SUZ12: variants seen among roughly 807,000 people sequenced by gnomAD.
SUZ12 encodes SUZ12 polycomb repressive complex 2 subunit.
A neutral mutation model predicts 87.3 loss-of-function variants in SUZ12; 17 were observed. The observed-to-expected ratio is 0.19, with a 90% CI of 0.13 to 0.29. SUZ12 has a LOEUF of 0.29. Ranked by LOEUF, SUZ12 falls within the 10% of genes least tolerant of loss-of-function variation. SUZ12 has a pLI of 1.00. For synonymous variants in SUZ12, 253 were observed against 312.4 expected (o/e 0.81, Z 2.01); for missense variants, 526 against 912.2 (o/e 0.58, Z 5.45).
At chr17:31,988,592 T>C in intron 10 of SUZ12, 95 bp downstream of exon 10, 1 of 1,277,602 alleles carries the variant, frequency 7.8e-7, no homozygotes, top group Non-Finnish European at 1.0e-6. Context: ...CTTTATGTGA[T>C]TCTTCTTTTT....
intron 13 of SUZ12, 108 bp downstream of exon 13, chr17:31,994,829 T>TAGG: frequency 8.2e-7 from 1 of 1,219,284 alleles, no homozygotes; most frequent in South Asian, 1.6e-5. Flanking sequence ...AAATTATTAT[T>TAGG]TTTCAGTATT....
intron 4 of SUZ12, among the ~76,000 whole-genome samples, chr17:31,956,013 C>T (rs1228269608): frequency 4.0e-5 from 6 of 151,798 alleles, no homozygotes; most frequent in East Asian, 2.0e-4. Context: ...CCCGGGTTCA[C>T]GCCATTCTTC....
At chr17:31,939,799 TACAG>T (rs891251231) in intron 1 of SUZ12, among the ~76,000 whole-genome samples, 1 of 152,206 alleles carries the variant, frequency 6.6e-6, no homozygotes, top group Non-Finnish European at 1.5e-5. Flanking sequence ...GTGCTGGGAA[TACAG>T]GCATGAGCCA....
At chr17:31,965,147 A>T (rs1402051158) in intron 4 of SUZ12, among the ~76,000 whole-genome samples, 2 of 134,082 alleles carry the variant, frequency 1.5e-5, no homozygotes, top group Non-Finnish European at 1.5e-5. Flanking sequence ...ACCATCATTT[A>T]AAAAAAAAAT....
At chr17:31,981,381 C>A (rs536105657) in intron 8 of SUZ12, among the ~76,000 whole-genome samples, 3 of 152,126 alleles carry the variant, frequency 2.0e-5, no homozygotes. Context: ...CACTGAGATG[C>A]GTTTTTTCAC....
At chr17:31,996,930 G>A in intron 15 of SUZ12, 53 bp downstream of exon 15, 1 of 1,103,484 alleles carries the variant, frequency 9.1e-7, no homozygotes, top group East Asian at 3.2e-5. Context: ...ATGGTCTTTT[G>A]CTGTTTCACA....
Position 31,979,128 on chromosome 17 carries a change from ATT to A in SUZ12, c.917+2515_917+2516del, listed in dbSNP as rs1567830367. ...CAAAAAAAAAAAAAAAAAAAAAAGA[ATT>A]CAAAACGATAGGAAAGTTGAAAGAA... On this transcript the variant is annotated intron_variant, in intron 8 of 15. Coordinates refer to ENST00000322652, the MANE Select transcript of SUZ12 (RefSeq NM_015355.4). Among the ~76,000 whole-genome samples the A allele has an allele frequency of 3.8e-4, 48 of 125,384 alleles. 2 individuals carry two copies. The highest frequency in any genetic ancestry group is 1.8e-3 in the South Asian group (6 of 3,422). The allele number at this position is 125,384 out of a possible 152,430, so 82.3% of individuals were successfully genotyped here. A position where few individuals can be genotyped will look rare whatever the true frequency, so the allele number is the denominator to read the frequency against.
Position 31,994,678 on chromosome 17 carries a change from G to A in SUZ12, c.1552G>A (p.Gly518Arg). The change falls in exon 13 of 16, where the codon GGA (glycine) becomes AGA (arginine). Residue 518 changes from glycine (G) to arginine (R), a missense_variant. Coordinates refer to ENST00000322652, the MANE Select transcript of SUZ12 (RefSeq NM_015355.4). Reference protein sequence around the residue: ...RQPGFAFSRNGPVKRTPITHI... With the variant: ...RQPGFAFSRNRPVKRTPITHI... ...ACCTGGATTTGCTTTTAGTCGCAAC[G>A]GACCAGTTAAGAGAACACCTATCAC... is the stretch of plus-strand genomic sequence containing the variant. 3 of 1,613,914 alleles carry A rather than the reference G, an allele frequency of 1.9e-6. No individual in the cohort carries two copies. Among genetic ancestry groups the A allele is most frequent in the African/African-American group, 1.3e-5 (1 of 74,984 alleles).
At chr17:31,953,972 A>G (rs892780730) in intron 4 of SUZ12, among the ~76,000 whole-genome samples, 41 of 152,020 alleles carry the variant, frequency 2.7e-4, no homozygotes, top group African/African-American at 8.7e-4. Flanking sequence ...TCAGCCTCCC[A>G]AAGTGCTGGG....
At chr17:31,942,148 G>A (rs1272826771) in intron 3 of SUZ12, among the ~76,000 whole-genome samples, 2 of 152,146 alleles carry the variant, frequency 1.3e-5, no homozygotes, top group African/African-American at 2.4e-5. Context: ...CACTGCGCCC[G>A]GCCTCCGCTG....
At position 31,995,687 on chromosome 17, in the gene SUZ12, T is replaced by G; in HGVS notation, c.1719T>G (p.Pro573=). Residue 573 remains proline, a synonymous_variant, in exon 14 of 16, where the codon CCT becomes CCG. Coordinates refer to ENST00000322652, the MANE Select transcript of SUZ12 (RefSeq NM_015355.4). ...ATTTCCATAGTGATACCTGCTTACC[T>G]CTCCGTCCACAAGAAATGGAAGTAG... The part of the protein sequence containing the change: ...RLYFHSDTCL[P]LRPQEMEVDS... 6.2e-7 allele frequency: 1 copy of G among 1,613,988 alleles called. No individual in the cohort carries two copies. Among genetic ancestry groups the G allele is most frequent in the Non-Finnish European group, 8.5e-7 (1 of 1,179,964 alleles).
intron 10 of SUZ12, among the ~76,000 whole-genome samples, chr17:31,992,265 C>G (rs937731806): frequency 6.6e-6 from 1 of 152,086 alleles, no homozygotes; most frequent in African/African-American, 2.4e-5. Context: ...GCACGCCAGC[C>G]TAGTCACCAA....
At chr17:31,940,976 C>T (rs1418596637) in intron 3 of SUZ12, among the ~76,000 whole-genome samples, 2 of 151,506 alleles carry the variant, frequency 1.3e-5, no homozygotes, top group East Asian at 1.9e-4. Context: ...CGCCGTTGCA[C>T]TCCAGCCTGG....
chr17:31,970,849 C>CA (rs1567825851), intron 5 of SUZ12, among the ~76,000 whole-genome samples: 1 of 151,628 alleles, frequency 6.6e-6, no homozygotes, highest in African/African-American at 2.4e-5. Context: ...TGCCTTAGAA[C>CA]AAAAAATTTT....
At chr17:31,989,167 C>T (rs1909567987) in intron 10 of SUZ12, among the ~76,000 whole-genome samples, 3 of 152,216 alleles carry the variant, frequency 2.0e-5, no homozygotes, top group African/African-American at 7.2e-5. Context: ...TCATGATCTG[C>T]CCGCCTCAGT....
intron 5 of SUZ12, among the ~76,000 whole-genome samples, chr17:31,972,598 T>C (rs1232638430): frequency 1.3e-5 from 2 of 152,296 alleles, no homozygotes; most frequent in East Asian, 3.9e-4. Context: ...TCACATTTTG[T>C]AGAGACGAGG....
At chr17:31,977,790 G>A (rs1213152347) in intron 8 of SUZ12, among the ~76,000 whole-genome samples, 1 of 152,042 alleles carries the variant, frequency 6.6e-6, no homozygotes, top group African/African-American at 2.4e-5. Context: ...TCAGGAGGCC[G>A]AGGCAGGGGA....
At chr17:31,995,090 TC>T (rs1909902157) in intron 13 of SUZ12, among the ~76,000 whole-genome samples, 1 of 152,168 alleles carries the variant, frequency 6.6e-6, no homozygotes, top group Non-Finnish European at 1.5e-5. Flanking sequence ...GAGCAAAACT[TC>T]GTCTCAAATA....
chr17:31,949,676 C>CGTTTT (rs1906839689), intron 4 of SUZ12, among the ~76,000 whole-genome samples: 34 of 12,396 alleles, frequency 2.7e-3, no homozygotes, highest in African/African-American at 0.011. Context: ...CCCCCCCCCC[C>CGTTTT]TTTTTTTTTT....
Sources: allele counts gnomAD v4.1 joint callset (sites outside exome capture counted in the v4.1 genomes callset), GRCh38; gene constraint gnomAD v4.1.1; transcripts MANE v1.5; gene names NCBI Gene and HGNC (gene_info 2026-07-23, HGNC 2026-07-21).